The following PRKCI variants were observed in gnomAD, a reference collection of about 807,000 sequenced individuals.
PRKCI encodes protein kinase C iota, also known as protein kinase C iota type.
In PRKCI, 43 loss-of-function variants were observed where a neutral mutation model predicts 84.0. That is an observed-to-expected ratio of 0.51 (90% CI 0.40 to 0.66). PRKCI has a LOEUF of 0.66. PRKCI is among the 30% of genes least tolerant of loss of function. The probability of loss-of-function intolerance (pLI) is 0.00; values close to 1 mark genes in which losing one functional copy is unlikely to be tolerated. For missense variants in PRKCI, 459 were observed against 745.6 expected, an observed-to-expected ratio of 0.62 and a Z score of 4.48; for synonymous variants, 216 against 234.4, an observed-to-expected ratio of 0.92 and a Z score of 0.72.
chr3:170,273,152 TA>T, intron 6 of PRKCI, 133 bp from the exon 7 acceptor site: 1 of 701,640 alleles, frequency 1.4e-6, no homozygotes, highest in Non-Finnish European at 2.4e-6. Flanking sequence ...AAAACAAAAT[TA>T]AAAGTAAATT....
chr3:170,236,875 A>AC (rs1440748302), intron 2 of PRKCI, among the ~76,000 whole-genome samples: 1 of 151,736 alleles, frequency 6.6e-6, no homozygotes, highest in African/African-American at 2.4e-5. Flanking sequence ...AAAAAAAAAA[A>AC]AAAAAGAAAG....
chr3:170,261,529 G>A (rs1733728393), intron 3 of PRKCI, among the ~76,000 whole-genome samples: 1 of 151,350 alleles, frequency 6.6e-6, no homozygotes, highest in Non-Finnish European at 1.5e-5. Flanking sequence ...TGTTGCCCAG[G>A]CTAGAGGGCA....
intron 1 of PRKCI, among the ~76,000 whole-genome samples, chr3:170,227,376 A>C (rs1268628157): frequency 6.6e-6 from 1 of 152,218 alleles, no homozygotes; most frequent in Non-Finnish European, 1.5e-5. Flanking sequence ...TTAAGGAATT[A>C]AGAGACTTGT....
At chr3:170,224,450 C>G (rs150007669) in intron 1 of PRKCI, among the ~76,000 whole-genome samples, 1 of 150,488 alleles carries the variant, frequency 6.6e-6, no homozygotes, top group East Asian at 1.9e-4. Context: ...AAAAAGCTTC[C>G]TTTGCTTTTT....
rs17851954 is a variant in PRKCI at position 170,299,086 on chromosome 3, C to T, written c.1679C>T (p.Pro560Leu). The T allele has an allele frequency of 2.0e-5, 32 of 1,601,846 alleles. No individual in the cohort carries two copies. The highest frequency in any genetic ancestry group is 1.7e-5 in the Non-Finnish European group (20 of 1,175,708). Residue 560 changes from proline (P) to leucine (L), a missense_variant, in exon 17 of 18, where the codon CCT becomes CTT. Physicochemically the swap from Pro to Leu is moderately conservative, Grantham distance 98. Around this residue, in one of 2 missense-constraint regions of PRKCI, gnomAD observed 209 missense variants for 425.9 expected, o/e 0.49. Coordinates refer to ENST00000295797, the MANE Select transcript of PRKCI (RefSeq NM_002740.6). ...DNFDSQFTNE[P>L]VQLTPDDDDI... ...TTTGATTCTCAGTTTACTAATGAAC[C>T]TGTCCAGCTCACTCCAGATGACGAG...
chr3:170,224,137 A>G (rs560420533), intron 1 of PRKCI, among the ~76,000 whole-genome samples: 43 of 136,272 alleles, frequency 3.2e-4, no homozygotes, highest in South Asian at 1.4e-3. Context: ...TCATTGTTCA[A>G]TTCCCATCTG....
At chr3:170,231,341 A>T (rs1030128363) in intron 1 of PRKCI, among the ~76,000 whole-genome samples, 2 of 152,116 alleles carry the variant, frequency 1.3e-5, no homozygotes, top group Non-Finnish European at 2.9e-5. Context: ...TTCTTTTTGT[A>T]TGTTTAAATT....
intron 6 of PRKCI, among the ~76,000 whole-genome samples, chr3:170,272,476 T>G (rs1426883747): frequency 6.6e-6 from 1 of 152,178 alleles, no homozygotes; most frequent in Non-Finnish European, 1.5e-5. Flanking sequence ...AAATCCAATC[T>G]TAAGGAAAAA....
At chr3:170,299,186 A>G (rs1190542463) in intron 17 of PRKCI, 76 bp downstream of exon 17, 16 of 695,164 alleles carry the variant, frequency 2.3e-5, no homozygotes, top group Non-Finnish European at 3.5e-5. Context: ...GCAATGTTTC[A>G]TTATCAGATT....
rs187341387 is a variant in PRKCI, at chr3:170,222,826, C to T, written c.101+56C>T. 1.8e-3 allele frequency: 1,958 copies of T among 1,079,948 alleles called. 45 individuals are homozygous for T. In the East Asian group the frequency reaches 0.098, roughly 54 times the overall value. The allele number at this position is 1,079,948 out of a possible 1,614,324, so 66.9% of individuals were successfully genotyped here. ...GAGGGGACAGGCCGGCTCCACTCGG[C>T]CTGGAGGAGGGGAGGGTGAGGGGCT... On this transcript the variant is annotated intron_variant, in intron 1 of 17. Coordinates refer to ENST00000295797, the MANE Select transcript of PRKCI (RefSeq NM_002740.6).
At position 170,294,666 on chromosome 3, in the gene PRKCI, ACTCATTTAAAC is replaced by A. The variant is rs536822484; in HGVS notation, c.1417+1164_1417+1174del. Among the ~76,000 whole-genome samples the A allele has an allele frequency of 2.5e-3, 375 of 152,338 alleles. 1 individual carries two copies. The highest frequency in any genetic ancestry group is 8.6e-3 in the African/African-American group (358 of 41,584). Reference sequence around the variant, plus strand: ...TATGCTAAGCATTTTACAAATGTTAACTCATTTAAACCTCATAACAATCCTATGAAGTATTT... The same window carrying A: ...TATGCTAAGCATTTTACAAATGTTAACTCATAACAATCCTATGAAGTATTT... On this transcript the variant is annotated intron_variant, in intron 14 of 17. Coordinates refer to ENST00000295797, the MANE Select transcript of PRKCI (RefSeq NM_002740.6).
At chr3:170,282,067 A>G (rs1734262188) in intron 11 of PRKCI, 99 bp downstream of exon 11, 2 of 1,247,922 alleles carry the variant, frequency 1.6e-6, no homozygotes, top group Non-Finnish European at 2.2e-6. Context: ...TTATTTTGAT[A>G]CTAGTTAATT....
chr3:170,282,378 A>G (rs761000486), intron 11 of PRKCI, among the ~76,000 whole-genome samples: 4 of 152,118 alleles, frequency 2.6e-5, no homozygotes, highest in Non-Finnish European at 5.9e-5. Flanking sequence ...TAAGAGTGCT[A>G]TTCATACATA....
At chr3:170,269,650 A>G (rs1733951091) in intron 5 of PRKCI, among the ~76,000 whole-genome samples, 1 of 151,998 alleles carries the variant, frequency 6.6e-6, no homozygotes, top group Admixed American at 6.6e-5. Flanking sequence ...TGTCTCTTAA[A>G]AATAAATAAA....
intron 8 of PRKCI, 28 bp from the exon 9 acceptor site, chr3:170,280,199 A>T (rs998619295): frequency 1.3e-6 from 2 of 1,589,252 alleles, no homozygotes; most frequent in Non-Finnish European, 1.7e-6. Flanking sequence ...ATTTCCCATT[A>T]TAACTCTGAT....
intron 2 of PRKCI, among the ~76,000 whole-genome samples, chr3:170,248,708 G>A (rs1204343628): frequency 6.6e-6 from 1 of 152,158 alleles, no homozygotes; most frequent in Non-Finnish European, 1.5e-5. Flanking sequence ...TGGTTATTCA[G>A]AAGTGTTGGT....
chr3:170,284,382 T>C (rs761655328), intron 11 of PRKCI, 79 bp from the exon 12 acceptor site: 3 of 1,227,460 alleles, frequency 2.4e-6, no homozygotes, highest in Non-Finnish European at 1.1e-6. Context: ...TGTTTTAATA[T>C]GAATTTTTGT....
intron 2 of PRKCI, among the ~76,000 whole-genome samples, chr3:170,237,663 A>G (rs144919289): frequency 2.0e-5 from 3 of 152,358 alleles, no homozygotes; most frequent in Non-Finnish European, 2.9e-5. Flanking sequence ...GATCATTTCT[A>G]TCTTCCCTGA....
At chr3:170,297,477 CAG>C (rs1361023814) in intron 16 of PRKCI, 84 bp downstream of exon 16, 9 of 1,125,548 alleles carry the variant, frequency 8.0e-6, no homozygotes, top group South Asian at 2.7e-5. Context: ...TGTTTTTAGA[CAG>C]AGTCTTGCTC....
Sources: allele counts gnomAD v4.1 joint callset (sites outside exome capture counted in the v4.1 genomes callset), GRCh38; gene constraint gnomAD v4.1.1; regional missense constraint gnomAD v4.1.1; transcripts MANE v1.5; gene names NCBI Gene and HGNC (gene_info 2026-07-23, HGNC 2026-07-21).